Variants in ICA1 observed in about 807,000 individuals in gnomAD.
The protein encoded by ICA1 is islet cell autoantigen 1, also known as 69 kDa islet cell autoantigen.
In ICA1, 40 loss-of-function variants were observed where a neutral mutation model predicts 71.0. The observed-to-expected ratio is 0.56, with a 90% CI of 0.44 to 0.73. The LOEUF (loss-of-function observed/expected upper bound fraction) is 0.73, where lower values mean the gene tolerates loss of function less well. Ranked by LOEUF, ICA1 falls within the 30% of genes least tolerant of loss-of-function variation. The probability of loss-of-function intolerance (pLI) is 0.00; values close to 1 mark genes in which losing one functional copy is unlikely to be tolerated. For synonymous variants in ICA1, 207 were observed against 209.5 expected (o/e 0.99, Z 0.10); for missense variants, 578 against 576.5 (o/e 1.00, Z -0.03).
rs3840621 is a variant in ICA1 at position 8,137,576 on chromosome 7, CA to C, written c.1060+1263del. Among the ~76,000 whole-genome samples, 17 of 152,272 alleles carry C rather than the reference CA, an allele frequency of 1.1e-4. No homozygotes were observed. The East Asian group carries it at 2.9e-3, about 26-fold the overall frequency. ...TTAAGCCAAAGAGGAAAATGTTTTACAAAAATGGACACCATGTATGGCAATC... is the reference window on the plus strand; with the variant it reads ...TTAAGCCAAAGAGGAAAATGTTTTACAAAATGGACACCATGTATGGCAATC... On this transcript the variant is annotated intron_variant, in intron 12 of 13. Coordinates refer to ENST00000402384, the MANE Select transcript of ICA1 (RefSeq NM_001136020.3).
At position 8,221,427 on chromosome 7, in the gene ICA1, T is replaced by A. The variant is rs1016558289; in HGVS notation, c.257-29A>T. On this transcript the variant is annotated intron_variant, in intron 4 of 13. Coordinates refer to ENST00000402384, the MANE Select transcript of ICA1 (RefSeq NM_001136020.3). ...ATGAAGAAAAGACCAAAAGGAGCCATGAACAATGAGCATTTTGATTGCAAA... is the reference window on the plus strand; with the variant it reads ...ATGAAGAAAAGACCAAAAGGAGCCAAGAACAATGAGCATTTTGATTGCAAA... 6.2e-6 allele frequency: 10 copies of A among 1,611,160 alleles called. No individual in the cohort carries two copies. The African/African-American group carries it at 1.1e-4, about 17-fold the overall frequency.
At chr7:8,249,560 T>C (rs926123505) in intron 1 of ICA1, among the ~76,000 whole-genome samples, 1 of 152,212 alleles carries the variant, frequency 6.6e-6, no homozygotes, top group East Asian at 1.9e-4. Context: ...AGGGAGTTAG[T>C]TTTTGGACTA....
intron 6 of ICA1, among the ~76,000 whole-genome samples, chr7:8,164,259 G>T (rs888290066): frequency 1.5e-5 from 2 of 132,908 alleles, no homozygotes; most frequent in African/African-American, 5.8e-5. Flanking sequence ...AACTGAGATC[G>T]TCGCACTGCA....
At chr7:8,121,665 G>C (rs1787009058) in intron 13 of ICA1, among the ~76,000 whole-genome samples, 1 of 152,202 alleles carries the variant, frequency 6.6e-6, no homozygotes, top group Admixed American at 6.5e-5. Flanking sequence ...TAGTTAGATA[G>C]AATAAGTATG....
chr7:8,235,574 G>A (rs1156414440), intron 2 of ICA1, among the ~76,000 whole-genome samples: 1 of 152,096 alleles, frequency 6.6e-6, no homozygotes, highest in Admixed American at 6.5e-5. Flanking sequence ...TAACTCTAAT[G>A]TTAGAAGTTA....
At chr7:8,135,270 G>A (rs866547066) in intron 12 of ICA1, among the ~76,000 whole-genome samples, 8 of 151,984 alleles carry the variant, frequency 5.3e-5, no homozygotes, top group East Asian at 1.9e-4. Flanking sequence ...CAAGTGATCC[G>A]CCCATCTTGT....
At chr7:8,143,070 T>C (rs1795762302) in intron 9 of ICA1, among the ~76,000 whole-genome samples, 1 of 152,230 alleles carries the variant, frequency 6.6e-6, no homozygotes, top group Non-Finnish European at 1.5e-5. Flanking sequence ...TTTTTTTGTG[T>C]GTGGAAAAGG....
intron 6 of ICA1, among the ~76,000 whole-genome samples, chr7:8,171,041 G>C (rs1452159324): frequency 6.6e-6 from 1 of 151,772 alleles, no homozygotes; most frequent in East Asian, 1.9e-4. Context: ...ATTTCCTTTT[G>C]CTAATATTTT....
At chr7:8,177,231 C>T (rs1185393224) in intron 6 of ICA1, among the ~76,000 whole-genome samples, 3 of 152,188 alleles carry the variant, frequency 2.0e-5, no homozygotes, top group Non-Finnish European at 2.9e-5. Context: ...AAATTATTCA[C>T]AATCGTGTAG....
intron 1 of ICA1, among the ~76,000 whole-genome samples, chr7:8,243,910 A>G (rs1458200478): frequency 6.6e-6 from 1 of 152,228 alleles, no homozygotes; most frequent in Non-Finnish European, 1.5e-5. Flanking sequence ...GCTCAACGAA[A>G]TAAAAGAGGA....
intron 6 of ICA1, among the ~76,000 whole-genome samples, chr7:8,198,319 G>A (rs551222730): frequency 1.5e-4 from 23 of 152,342 alleles, no homozygotes; most frequent in Non-Finnish European, 2.9e-4. Flanking sequence ...GAGACAATAT[G>A]AGCAAAGCAT....
chr7:8,158,358 GT>G, intron 7 of ICA1, 168 bp downstream of exon 7: 1 of 704,060 alleles, frequency 1.4e-6, no homozygotes, highest in South Asian at 1.9e-5. Context: ...CTACTATTTG[GT>G]TTGGTTAAAC....
intron 6 of ICA1, among the ~76,000 whole-genome samples, chr7:8,194,864 C>A (rs1313425311): frequency 6.6e-6 from 1 of 152,040 alleles, no homozygotes; most frequent in Admixed American, 6.5e-5. Context: ...CTCCAATCTC[C>A]ATGCAATGCT....
chr7:8,253,333 C>T (rs1808858648), intron 1 of ICA1, among the ~76,000 whole-genome samples: 1 of 152,016 alleles, frequency 6.6e-6, no homozygotes, highest in Non-Finnish European at 1.5e-5. Context: ...TAAAAAGGTC[C>T]AAATCTGTGT....
At chr7:8,114,504 C>T (rs1213775829) in intron 13 of ICA1, among the ~76,000 whole-genome samples, 10 of 152,228 alleles carry the variant, frequency 6.6e-5, no homozygotes, top group African/African-American at 2.4e-5. Flanking sequence ...TTCAAAGCAA[C>T]AGGCCCAAAA....
At chr7:8,242,353 T>C (rs953877319) in intron 1 of ICA1, among the ~76,000 whole-genome samples, 1 of 152,222 alleles carries the variant, frequency 6.6e-6, no homozygotes, top group Non-Finnish European at 1.5e-5. Flanking sequence ...CATAAAGATG[T>C]TCTTTGAAAC....
At chr7:8,219,074 A>G (rs1796251193) in intron 5 of ICA1, 1 of 164,176 alleles carries the variant, frequency 6.1e-6, no homozygotes, top group Admixed American at 5.6e-5. Context: ...GATAGGTTAC[A>G]TGATTTAATC....
intron 2 of ICA1, 77 bp from the exon 3 acceptor site, chr7:8,232,832 A>G: frequency 2.4e-6 from 3 of 1,267,934 alleles, no homozygotes; most frequent in Non-Finnish European, 3.2e-6. Flanking sequence ...TGATTTCTTT[A>G]AACATGACTT....
chr7:8,133,952 G>A (rs1217390155), intron 12 of ICA1, among the ~76,000 whole-genome samples: 1 of 148,422 alleles, frequency 6.7e-6, no homozygotes, highest in Non-Finnish European at 1.5e-5. Flanking sequence ...CCTACCCAAT[G>A]ACACAAAATT....
Sources: gnomAD v4.1 joint callset for allele counts (sites outside exome capture counted in the v4.1 genomes callset) on GRCh38, gnomAD v4.1.1 for gene constraint, MANE v1.5 for transcripts, NCBI Gene and HGNC (gene_info 2026-07-23, HGNC 2026-07-21) for gene names.